CARF: variants seen among roughly 807,000 people sequenced by gnomAD.
CARF encodes the protein calcium responsive transcription factor.
CARF carries 57 observed loss-of-function variants against 82.0 expected under a neutral mutation model. That is an observed-to-expected ratio of 0.70 (90% confidence interval 0.56 to 0.87). The LOEUF (loss-of-function observed/expected upper bound fraction) is 0.87, where lower values mean the gene tolerates loss of function less well. CARF is among the 40% of genes least tolerant of loss of function. The probability of loss-of-function intolerance (pLI) is 0.00; values close to 1 mark genes in which losing one functional copy is unlikely to be tolerated. For missense variants in CARF, 771 were observed against 855.8 expected (o/e 0.90, Z 1.24); for synonymous variants, 268 against 290.1 (o/e 0.92, Z 0.77).
chr2:202,917,054 C>CA (rs1252906103), intron 1 of CARF, among the ~76,000 whole-genome samples: 9 of 151,360 alleles, frequency 5.9e-5, no homozygotes, highest in Admixed American at 1.3e-4. Context: ...ACTGAAAATA[C>CA]AAAAAAATTA....
chr2:202,938,786 G>A (rs2058076719), intron 3 of CARF, among the ~76,000 whole-genome samples: 1 of 151,558 alleles, frequency 6.6e-6, no homozygotes, highest in Non-Finnish European at 1.5e-5. Flanking sequence ...TCGCCATGTT[G>A]GCAGGCTGAT....
At chr2:202,964,956 A>G (rs536166559) in intron 9 of CARF, among the ~76,000 whole-genome samples, 1 of 151,226 alleles carries the variant, frequency 6.6e-6, no homozygotes, top group South Asian at 2.1e-4. Flanking sequence ...TAAGAAAATT[A>G]ACAGTAACTT....
At chr2:202,930,312 GC>G (rs1408920459) in intron 3 of CARF, among the ~76,000 whole-genome samples, 2 of 152,350 alleles carry the variant, frequency 1.3e-5, no homozygotes, top group Non-Finnish European at 2.9e-5. Context: ...TTTCCAAAGT[GC>G]TGGGATTACA....
rs546153720 is a variant in CARF, at chr2:202,987,838, A to G, written c.*4214A>G. Reference sequence around the variant, plus strand: ...ATTGAGGTATAATTGAAATACAATAAACTGTACATATTTAAAGTACCCAAT... The same window carrying G: ...ATTGAGGTATAATTGAAATACAATAGACTGTACATATTTAAAGTACCCAAT... On this transcript the variant is annotated 3_prime_UTR_variant, in exon 17 of 17. Coordinates refer to ENST00000438828, the MANE Select transcript of CARF (RefSeq NM_024744.17). 9.8e-5 allele frequency among the ~76,000 whole-genome samples: 15 copies of G among 152,342 alleles called. No homozygotes were observed. The highest frequency in any genetic ancestry group is 5.2e-4 in the Admixed American group (8 of 15,298).
At position 202,974,621 on chromosome 2, in the gene CARF, G is replaced by A. The variant is rs758728212; in HGVS notation, c.1494+125G>A. The A allele has an allele frequency of 4.6e-5, 40 of 869,594 alleles. 2 individuals carry two copies. The South Asian group carries it at 6.0e-4, about 13-fold the overall frequency. The allele number at this position is 869,594 out of a possible 1,614,324, so 53.9% of individuals were successfully genotyped here. A position where few individuals can be genotyped will look rare whatever the true frequency, so the allele number is the denominator to read the frequency against. ...GCAATATAAGCAAATACAATAGGCC[G>A]GGCGTGGTGGCTCATGCCTGTAATC... On this transcript the variant is annotated intron_variant, in intron 13 of 16. Coordinates refer to ENST00000438828, the MANE Select transcript of CARF (RefSeq NM_024744.17).
rs369372393 is a variant in CARF, at chr2:202,961,326, T to C, written c.732T>C (p.Val244=). The C allele has an allele frequency of 2.7e-4, 429 of 1,614,236 alleles. 1 individual carries two copies. The African/African-American group carries it at 5.3e-3, about 20-fold the overall frequency. ...LTFHKQQTQS[V]WGTRQSPSPA... ...TTCACAAGCAGCAAACACAGAGTGTTTGGGGGACCCGTCAGTCTCCAAGCC... is the reference window on the plus strand; with the variant it reads ...TTCACAAGCAGCAAACACAGAGTGTCTGGGGGACCCGTCAGTCTCCAAGCC... The change falls in exon 9 of 17, where the codon GTT becomes GTC. Residue 244 remains valine (V), a synonymous_variant. Coordinates refer to ENST00000438828, the MANE Select transcript of CARF (RefSeq NM_024744.17).
At chr2:202,932,863 A>G (rs749617746) in intron 3 of CARF, among the ~76,000 whole-genome samples, 4 of 151,964 alleles carry the variant, frequency 2.6e-5, no homozygotes, top group Non-Finnish European at 4.4e-5. Context: ...CAGCTCAACC[A>G]CTGCTGTGTT....
At chr2:202,954,418 TAAAG>T (rs2058929150) in intron 7 of CARF, among the ~76,000 whole-genome samples, 1 of 152,080 alleles carries the variant, frequency 6.6e-6, no homozygotes, top group Non-Finnish European at 1.5e-5. Context: ...CTTTTCAGAA[TAAAG>T]AAACATTCAT....
At chr2:202,935,919 C>T (rs1693864418) in intron 3 of CARF, among the ~76,000 whole-genome samples, 1 of 152,082 alleles carries the variant, frequency 6.6e-6, no homozygotes, top group Non-Finnish European at 1.5e-5. Flanking sequence ...TGGGCTCGTG[C>T]CATCCTCCCA....
intron 16 of CARF, among the ~76,000 whole-genome samples, chr2:202,982,780 T>A (rs897163600): frequency 6.6e-6 from 1 of 151,992 alleles, no homozygotes; most frequent in African/African-American, 2.4e-5. Flanking sequence ...CAAGGAAAAA[T>A]ATTTTCATGC....
intron 2 of CARF, among the ~76,000 whole-genome samples, chr2:202,920,664 CA>C (rs938411495): frequency 7.9e-5 from 11 of 139,804 alleles, no homozygotes; most frequent in Admixed American, 1.4e-4. Context: ...AACTCCGTCT[CA>C]AAAAAAAAAT....
At chr2:202,935,326 A>T (rs1032902555) in intron 3 of CARF, among the ~76,000 whole-genome samples, 3 of 3,096 alleles carry the variant, frequency 9.7e-4, no homozygotes, top group African/African-American at 1.1e-3. Flanking sequence ...TTGTATATTT[A>T]TATATATATA....
In CARF at chr2:202,985,219, A is replaced by G. The variant is rs1202018727; in HGVS notation, c.*1595A>G. 6.6e-6 allele frequency: 1 copy of G among 152,124 alleles called. No homozygotes were observed. The highest frequency in any genetic ancestry group is 1.5e-5 in the Non-Finnish European group (1 of 68,024). The allele number at this position is 152,124 out of a possible 1,614,324, so 9.4% of individuals were successfully genotyped here. A position where few individuals can be genotyped will look rare whatever the true frequency, so the allele number is the denominator to read the frequency against. ...ATGTTTAATATTCAAAACATGCACA[A>G]TATAATATCAAATTTAACCTTAATA... On this transcript the variant is annotated 3_prime_UTR_variant, in exon 17 of 17. Coordinates refer to ENST00000438828, the MANE Select transcript of CARF (RefSeq NM_024744.17).
At chr2:202,966,833 TGTAA>T (rs2059573459) in intron 9 of CARF, 141 bp from the exon 10 acceptor site, 3 of 638,200 alleles carry the variant, frequency 4.7e-6, no homozygotes, top group South Asian at 3.2e-5. Flanking sequence ...TGTTTGTATA[TGTAA>T]GTAAGACTTA....
chr2:202,961,258 G>A lies in CARF; in HGVS notation c.664G>A (p.Gly222Ser). Residue 222 changes from glycine (G) to serine (S), a missense_variant, in exon 9 of 17, where the codon GGC (glycine) becomes AGC (serine). Physicochemically the swap from Gly to Ser is moderately conservative, Grantham distance 56 (BLOSUM62 0). Transcript: ENST00000438828. ...SCEKIGDSYRGYCVSETELES... is the reference protein window; with the variant it reads ...SCEKIGDSYRSYCVSETELES... ...GCAGAAAATTGGAGATTCATACCGT[G>A]GCTACTGTGTAAGTGAGACTGAATT... 6.2e-7 allele frequency: 1 copy of A among 1,610,076 alleles called. No homozygotes were observed. Among genetic ancestry groups the A allele is most frequent in the Non-Finnish European group, 8.5e-7 (1 of 1,177,542 alleles).
At chr2:202,923,724 A>G (rs904115355) in intron 2 of CARF, among the ~76,000 whole-genome samples, 3 of 152,236 alleles carry the variant, frequency 2.0e-5, no homozygotes, top group African/African-American at 7.2e-5. Context: ...ATTTCGAACT[A>G]TACTATAAGG....
At chr2:202,959,157 CAT>C (rs1444208632) in intron 8 of CARF, among the ~76,000 whole-genome samples, 4 of 151,716 alleles carry the variant, frequency 2.6e-5, no homozygotes, top group East Asian at 1.9e-4. Context: ...TCTTTATTGA[CAT>C]ATATTCTAAT....
intron 3 of CARF, among the ~76,000 whole-genome samples, chr2:202,932,544 A>G (rs1049206324): frequency 2.0e-5 from 3 of 152,098 alleles, no homozygotes; most frequent in Admixed American, 2.0e-4. Flanking sequence ...ACATGAGCCA[A>G]TAGGGCTCGG....
At position 202,986,548 on chromosome 2, in the gene CARF, C is replaced by T. The variant is rs1445227566; in HGVS notation, c.*2924C>T. On this transcript the variant is annotated 3_prime_UTR_variant, in exon 17 of 17. Transcript: ENST00000438828. ...AACTTCCAAGTGAACTTTATATATA[C>T]TACAGTGAATTATAGATAAATACAG... The T allele has an allele frequency of 6.6e-6, 1 of 151,944 alleles. No homozygotes were observed. Among genetic ancestry groups the T allele is most frequent in the East Asian group, 1.9e-4 (1 of 5,184 alleles). The allele number at this position is 151,944 out of a possible 1,614,324, so 9.4% of individuals were successfully genotyped here. A position where few individuals can be genotyped will look rare whatever the true frequency, so the allele number is the denominator to read the frequency against.
Sources: allele counts gnomAD v4.1 joint callset (sites outside exome capture counted in the v4.1 genomes callset), GRCh38; gene constraint gnomAD v4.1.1; transcripts MANE v1.5; gene names NCBI Gene and HGNC (gene_info 2026-07-23, HGNC 2026-07-21).